MTFMT: variants seen among roughly 807,000 people sequenced by gnomAD.
The protein encoded by MTFMT is methionyl-tRNA formyltransferase, mitochondrial.
MTFMT carries 47 observed loss-of-function variants against 51.8 expected under a neutral mutation model. The ratio of observed to expected loss-of-function variants is 0.91; its 90% confidence interval spans 0.72 to 1.16. MTFMT has a LOEUF of 1.16. Among genes scored for constraint, MTFMT ranks in the 50% most tolerant of loss-of-function variants. The probability of loss-of-function intolerance (pLI) is 0.00; values close to 1 mark genes in which losing one functional copy is unlikely to be tolerated. For synonymous variants in MTFMT, 196 were observed against 176.7 expected, an observed-to-expected ratio of 1.11 and a Z score of -0.87; for missense variants, 512 against 482.3, an observed-to-expected ratio of 1.06 and a Z score of -0.58.
At position 65,006,200 on chromosome 15, in the gene MTFMT, A is replaced by G. The variant is rs2086218395; in HGVS notation, c.814-9T>C. 6.2e-7 allele frequency: 1 copy of G among 1,607,068 alleles called. No individual in the cohort carries two copies. Among genetic ancestry groups the G allele is most frequent in the Non-Finnish European group, 8.5e-7 (1 of 1,175,280 alleles). ...AGCGTCTGCAACGGAATCTGCAAGT[A>G]AAATTAAAGAAGGTATGATAAAGGA... On this transcript the variant is annotated splice_polypyrimidine_tract_variant and intron_variant, in intron 6 of 8. Coordinates refer to ENST00000220058, the MANE Select transcript of MTFMT (RefSeq NM_139242.4).
chr15:65,011,083 A>G (rs1036259925), intron 6 of MTFMT, among the ~76,000 whole-genome samples: 2 of 152,134 alleles, frequency 1.3e-5, no homozygotes, highest in South Asian at 4.1e-4. Context: ...GCACTTAGGG[A>G]GGCTGAGGCA....
At chr15:65,016,830 G>A (rs2086327112) in intron 5 of MTFMT, among the ~76,000 whole-genome samples, 1 of 150,108 alleles carries the variant, frequency 6.7e-6, no homozygotes, top group East Asian at 2.0e-4. Context: ...ACCCAGGCTG[G>A]AGTGCAGTGG....
chr15:65,003,133 A>G lies in MTFMT; in HGVS notation c.1099T>C (p.Phe367Leu). The part of the protein sequence containing the change: ...NSQAQPSQCR[F>L]QTLRLPTKKK... ...TTTGTTGGAAGTCTGAGAGTCTGAA[A>G]TCTGCATTGGCTTGGTTGAGCTTGG... is the stretch of plus-strand genomic sequence containing the variant. Residue 367 changes from phenylalanine to leucine, a missense_variant, in exon 9 of 9, where the codon TTT (phenylalanine) becomes CTT (leucine). Transcript: ENST00000220058. 6.2e-7 allele frequency: 1 copy of G among 1,613,426 alleles called. No individual in the cohort carries two copies. The highest frequency in any genetic ancestry group is 8.5e-7 in the Non-Finnish European group (1 of 1,179,680).
In MTFMT at chr15:65,023,538, G is replaced by GATAT. The variant is rs901778308; in HGVS notation, c.542+130_542+133dup. The GATAT allele has an allele frequency of 2.3e-4, 167 of 730,906 alleles. 1 individual carries two copies. The African/African-American group carries it at 2.7e-3, about 12-fold the overall frequency. The allele number at this position is 730,906 out of a possible 1,614,324, so 45.3% of individuals were successfully genotyped here. ...TTAGAAACCAGGAGAAAACAGAAAG[G>GATAT]ATATAAAAGCAGAAGAAGCACTCTG... On this transcript the variant is annotated intron_variant, in intron 3 of 8. Transcript: ENST00000220058.
In MTFMT at chr15:65,006,201, A is replaced by C. The variant is rs1566939263; in HGVS notation, c.814-10T>G. On this transcript the variant is annotated splice_polypyrimidine_tract_variant and intron_variant, in intron 6 of 8. Transcript: ENST00000220058. ...GCGTCTGCAACGGAATCTGCAAGTA[A>C]AATTAAAGAAGGTATGATAAAGGAA... 6.2e-7 allele frequency: 1 copy of C among 1,607,144 alleles called. No individual in the cohort carries two copies. The highest frequency in any genetic ancestry group is 1.7e-5 in the Admixed American group (1 of 59,866).
At chr15:65,006,450 C>T (rs1788854410) in intron 6 of MTFMT, among the ~76,000 whole-genome samples, 1 of 149,786 alleles carries the variant, frequency 6.7e-6, no homozygotes. Flanking sequence ...GATCTTGGCT[C>T]ACTGCAAGCT....
intron 2 of MTFMT, among the ~76,000 whole-genome samples, chr15:65,024,404 TC>T (rs1285757976): frequency 6.6e-6 from 1 of 152,206 alleles, no homozygotes; most frequent in African/African-American, 2.4e-5. Context: ...AGAGAACCAC[TC>T]AAACCCTATT....
At chr15:65,020,988 T>C (rs1208669885) in intron 4 of MTFMT, among the ~76,000 whole-genome samples, 1 of 152,224 alleles carries the variant, frequency 6.6e-6, no homozygotes, top group African/African-American at 2.4e-5. Flanking sequence ...AACCCGTTCA[T>C]ATGGAAAACA....
intron 6 of MTFMT, among the ~76,000 whole-genome samples, chr15:65,008,701 G>T (rs1443940951): frequency 6.6e-6 from 1 of 152,148 alleles, no homozygotes; most frequent in Non-Finnish European, 1.5e-5. Context: ...TGAAGAACAA[G>T]TTCATAACTG....
At chr15:65,004,828 T>C in intron 8 of MTFMT, 26 bp downstream of exon 8, 3 of 1,477,820 alleles carry the variant, frequency 2.0e-6, no homozygotes, top group South Asian at 2.4e-5. Context: ...ACAACTATGA[T>C]AACTTGAAAC....
chr15:65,011,908 T>G (rs958981328), intron 6 of MTFMT, among the ~76,000 whole-genome samples: 3 of 152,144 alleles, frequency 2.0e-5, no homozygotes, highest in African/African-American at 7.2e-5. Flanking sequence ...CATGGCATCA[T>G]AGCTAAGAAA....
intron 7 of MTFMT, among the ~76,000 whole-genome samples, chr15:65,005,832 T>C (rs1361450856): frequency 6.6e-6 from 1 of 152,150 alleles, no homozygotes; most frequent in Non-Finnish European, 1.5e-5. Flanking sequence ...AGTCTCGAAC[T>C]CCTGACCTCA....
intron 6 of MTFMT, among the ~76,000 whole-genome samples, chr15:65,007,102 G>C (rs528668053): frequency 1.3e-5 from 2 of 152,340 alleles, no homozygotes; most frequent in African/African-American, 4.8e-5. Context: ...AGGAATTTCT[G>C]CCTTATGCAG....
Position 65,025,090 on chromosome 15 carries a change from T to G in MTFMT, c.420-1296A>C, listed in dbSNP as rs184034132. On this transcript the variant is annotated intron_variant, in intron 2 of 8. Transcript: ENST00000220058. ...TTTGAGCAGAGTGACATGATCTGAC[T>G]TGTTTTAAAAGGATCACTTTGAGGC... 4.1e-4 allele frequency among the ~76,000 whole-genome samples: 62 copies of G among 152,254 alleles called. 1 individual carries two copies. The highest frequency in any genetic ancestry group is 1.4e-3 in the African/African-American group (59 of 41,548).
rs2086190738 is a variant in MTFMT, at chr15:65,003,168, T to C, written c.1064A>G (p.Gln355Arg). The C allele has an allele frequency of 6.2e-7, 1 of 1,613,700 alleles. No homozygotes were observed. Among genetic ancestry groups the C allele is most frequent in the Non-Finnish European group, 8.5e-7 (1 of 1,179,782 alleles). ...FYNGYLHPWY[Q>R]KNSQAQPSQC... ...GCTTGGTTGAGCTTGGGAATTTTTC[T>C]GGTACCAGGGGTGCAAATATCCATT... Residue 355 changes from glutamine (Q) to arginine (R), a missense_variant, in exon 9 of 9, where the codon CAG (glutamine) becomes CGG (arginine). Gln to Arg is a conservative substitution (Grantham distance 43, BLOSUM62 1). Coordinates refer to ENST00000220058, the MANE Select transcript of MTFMT (RefSeq NM_139242.4).
intron 8 of MTFMT, 81 bp downstream of exon 8, chr15:65,004,773 G>C: frequency 2.2e-6 from 2 of 891,416 alleles, no homozygotes; most frequent in Non-Finnish European, 3.3e-6. Context: ...GTTAAGTGAA[G>C]TTCCAACTAA....
intron 4 of MTFMT, 21 bp from the exon 5 acceptor site, chr15:65,020,293 G>C: frequency 6.7e-7 from 1 of 1,499,804 alleles, no homozygotes; most frequent in Non-Finnish European, 9.2e-7. Flanking sequence ...AAAAAAAAGA[G>C]TGTGATATAT....
intron 3 of MTFMT, 35 bp downstream of exon 3, chr15:65,023,637 T>C (rs1264355895): frequency 1.2e-6 from 2 of 1,607,040 alleles, no homozygotes; most frequent in African/African-American, 2.7e-5. Context: ...CATTTAAAAA[T>C]CACAAAAATC....
intron 6 of MTFMT, 33 bp downstream of exon 6, chr15:65,016,403 T>A: frequency 1.5e-6 from 2 of 1,325,694 alleles, no homozygotes; most frequent in Non-Finnish European, 2.1e-6. Context: ...GAAAACCAAC[T>A]AGGTAGAACT....
Sources: allele counts gnomAD v4.1 joint callset (sites outside exome capture counted in the v4.1 genomes callset), GRCh38; gene constraint gnomAD v4.1.1; transcripts MANE v1.5; gene names NCBI Gene and HGNC (gene_info 2026-07-23, HGNC 2026-07-21).